The following CACNA1E variants were observed in gnomAD, a reference collection of about 807,000 sequenced individuals.
CACNA1E encodes the protein calcium voltage-gated channel subunit alpha1 E, also known as voltage-dependent R-type calcium channel subunit alpha-1E.
A neutral mutation model predicts 259.2 loss-of-function variants in CACNA1E; 40 were observed. That is an observed-to-expected ratio of 0.15 (90% CI 0.12 to 0.20). The LOEUF is 0.20. CACNA1E is among the 10% of genes least tolerant of loss of function. The probability of loss-of-function intolerance (pLI) is 1.00; values close to 1 mark genes in which losing one functional copy is unlikely to be tolerated. For missense variants in CACNA1E, 1,874 were observed against 3,040.1 expected, an observed-to-expected ratio of 0.62 and a Z score of 9.02; for synonymous variants, 1,104 against 1,138.5, an observed-to-expected ratio of 0.97 and a Z score of 0.61.
At chr1:181,733,209 A>G (rs1461079635) in intron 20 of CACNA1E, among the ~76,000 whole-genome samples, 175 bp downstream of exon 20, 1 of 152,210 alleles carries the variant, frequency 6.6e-6, no homozygotes, top group Non-Finnish European at 1.5e-5. Context: ...GTCCCCCCAA[A>G]AACGAGGGCC....
Position 181,798,249 on chromosome 1 carries a change from T to C in CACNA1E, c.6400-43T>C, listed in dbSNP as rs376197744. The C allele has an allele frequency of 1.5e-5, 23 of 1,507,926 alleles. No individual in the cohort carries two copies. In the African/African-American group the frequency reaches 1.6e-4, roughly 11 times the overall value. 93.4% of individuals were successfully genotyped at this position (1,507,926 alleles called of 1,614,324 possible). On this transcript the variant is annotated intron_variant, in intron 47 of 47. Transcript: ENST00000367573. The surrounding 1 kb of genome is among the most constrained non-coding windows in gnomAD (Gnocchi z 4.2). Reference sequence around the variant, plus strand: ...TTAACAGAGTTGCAAGTAGGGATCATGCCAAGCCCAATCTAACATGCCATG... The same window carrying C: ...TTAACAGAGTTGCAAGTAGGGATCACGCCAAGCCCAATCTAACATGCCATG...
Position 181,367,847 on chromosome 1 carries a change from G to A in CACNA1E, c.-14-45286G>A, listed in dbSNP as rs145656766. Among the ~76,000 whole-genome samples, 454 of 152,044 alleles carry A rather than the reference G, an allele frequency of 3.0e-3. 2 individuals carry two copies. Among genetic ancestry groups the A allele is most frequent in the African/African-American group, 0.01 (429 of 41,480 alleles). ...GCCAATTTATTTATAATTTACTTTGGTTTCTTTGAAAATAATGCTTTATTT... is the reference window on the plus strand; with the variant it reads ...GCCAATTTATTTATAATTTACTTTGATTTCTTTGAAAATAATGCTTTATTT... On this transcript the variant is annotated intron_variant, in intron 1 of 11. Coordinates refer to the CACNA1E transcript ENST00000524607.
intron 25 of CACNA1E, among the ~76,000 whole-genome samples, chr1:181,742,639 A>G (rs1656684575): frequency 6.6e-6 from 1 of 152,194 alleles, no homozygotes; most frequent in African/African-American, 2.4e-5. Context: ...GAGCCTTCTC[A>G]GACCCTGGCC....
At chr1:181,441,959 C>G (rs1340360773) in intron 2 of CACNA1E, among the ~76,000 whole-genome samples, 3 of 152,194 alleles carry the variant, frequency 2.0e-5, no homozygotes, top group East Asian at 3.8e-4. Flanking sequence ...TTCATTTCAT[C>G]TGACAGCTCA....
chr1:181,414,538 C>T (rs986222901), intron 2 of CACNA1E, among the ~76,000 whole-genome samples: 8 of 152,164 alleles, frequency 5.3e-5, no homozygotes, highest in African/African-American at 1.9e-4. Context: ...TCCTGGGATT[C>T]AGAGAGGAGT....
intron 3 of CACNA1E, among the ~76,000 whole-genome samples, chr1:181,523,214 CT>C (rs1424634913): frequency 2.4e-4 from 37 of 152,180 alleles, no homozygotes; most frequent in African/African-American, 8.0e-4. Flanking sequence ...CTAGCTAGTA[CT>C]GCAAATAAAG....
intron 7 of CACNA1E, among the ~76,000 whole-genome samples, chr1:181,695,879 C>T (rs1651645638): frequency 6.6e-6 from 1 of 152,172 alleles, no homozygotes; most frequent in Non-Finnish European, 1.5e-5. Context: ...TGCTTGAATC[C>T]AGGAGGCGGA....
intron 7 of CACNA1E, among the ~76,000 whole-genome samples, chr1:181,656,566 C>T (rs2332571): frequency 0.34 from 51,474 of 151,956 alleles, 11,455 homozygotes; most frequent in African/African-American, 0.64. Flanking sequence ...AGTTACAGTA[C>T]GTGAAGATTA....
In CACNA1E at chr1:181,643,623, A is replaced by G. The variant is rs189093598; in HGVS notation, c.952-7715A>G. Among the ~76,000 whole-genome samples, 33 of 152,278 alleles carry G rather than the reference A, an allele frequency of 2.2e-4. No homozygotes were observed. The South Asian group carries it at 3.7e-3, about 17-fold the overall frequency. The stretch of plus-strand genomic sequence containing the variant: ...AGCTCCTGACCCTGGTCTCGGTAGC[A>G]TCGTGTGGCTGCTTGTAGGTTGGGT... On this transcript the variant is annotated intron_variant, in intron 6 of 47. Transcript: ENST00000367573.
In CACNA1E at chr1:181,737,730, G is replaced by A. The variant is rs139739871; in HGVS notation, c.3552+76G>A. The A allele has an allele frequency of 3.0e-4, 460 of 1,541,696 alleles. 2 individuals carry two copies. In the African/African-American group the frequency reaches 5.6e-3, roughly 19 times the overall value. ...CCCATCCCAGCACTGGAGGTGAACC[G>A]AGATGGTAGCAAGGTTTCTGGGGAA... On this transcript the variant is annotated intron_variant, in intron 23 of 47. Coordinates refer to ENST00000367573, the MANE Select transcript of CACNA1E (RefSeq NM_001205293.3).
At chr1:181,343,559 T>C (rs1652343185) in intron 1 of CACNA1E, among the ~76,000 whole-genome samples, 1 of 152,174 alleles carries the variant, frequency 6.6e-6, no homozygotes, top group African/African-American at 2.4e-5. Flanking sequence ...ATACCTCAGG[T>C]ACAGGGTGCA....
intron 6 of CACNA1E, among the ~76,000 whole-genome samples, chr1:181,585,216 T>C (rs1482211366): frequency 6.6e-6 from 1 of 152,214 alleles, no homozygotes; most frequent in Non-Finnish European, 1.5e-5. Flanking sequence ...TGTATGTGCT[T>C]AGTGAGGAGC....
intron 12 of CACNA1E, among the ~76,000 whole-genome samples, chr1:181,718,611 AACACACACACACACACACAC>A (rs60522141): frequency 9.7e-4 from 120 of 124,312 alleles, no homozygotes; most frequent in Middle Eastern, 4.0e-3. Context: ...CCCTCATTCA[AACACACACACACACACACAC>A]ACACACACAC....
intron 3 of CACNA1E, among the ~76,000 whole-genome samples, chr1:181,522,163 T>C (rs1211375241): frequency 6.6e-6 from 1 of 152,218 alleles, no homozygotes; most frequent in Non-Finnish European, 1.5e-5. Context: ...AGTGTCCCTT[T>C]CTTCCTTCTT....
chr1:181,681,454 C>T (rs1366789567), intron 7 of CACNA1E, among the ~76,000 whole-genome samples: 2 of 152,156 alleles, frequency 1.3e-5, no homozygotes, highest in Non-Finnish European at 2.9e-5. Context: ...GTCTGTTGCT[C>T]TCCCCATCCT....
intron 6 of CACNA1E, among the ~76,000 whole-genome samples, chr1:181,603,749 T>C (rs1464215017): frequency 2.0e-5 from 3 of 152,120 alleles, no homozygotes; most frequent in African/African-American, 7.2e-5. Context: ...TTCTGAGGAA[T>C]TCTTGATAGC....
intron 2 of CACNA1E, among the ~76,000 whole-genome samples, chr1:181,436,497 A>G (rs1249218051): frequency 1.3e-5 from 2 of 152,258 alleles, no homozygotes; most frequent in Admixed American, 6.5e-5. Context: ...TTAAGAAAAT[A>G]TGGTGTGTAT....
chr1:181,785,511 A>G (rs966506348), intron 42 of CACNA1E, 93 bp downstream of exon 42: 19 of 965,266 alleles, frequency 2.0e-5, no homozygotes, highest in Non-Finnish European at 3.0e-5. Flanking sequence ...GTGCCCGGCA[A>G]GGACTTAGAA....
chr1:181,659,417 C>T (rs1406582646), intron 7 of CACNA1E, among the ~76,000 whole-genome samples: 1 of 152,220 alleles, frequency 6.6e-6, no homozygotes, highest in Non-Finnish European at 1.5e-5. Flanking sequence ...TTAGCTTAGG[C>T]ATGAAGAGAA....
Sources: allele counts gnomAD v4.1 joint callset (sites outside exome capture counted in the v4.1 genomes callset), GRCh38; gene constraint gnomAD v4.1.1; non-coding constraint Gnocchi (gnomAD v3.1); transcripts MANE v1.5; gene names NCBI Gene and HGNC (gene_info 2026-07-23, HGNC 2026-07-21).